ZNF804B: variants seen among roughly 807,000 people sequenced by gnomAD.
The protein encoded by ZNF804B is zinc finger protein 804B.
Under a neutral mutation model 101.4 loss-of-function variants are expected in ZNF804B, and 80 were observed. That is an observed-to-expected ratio of 0.79 (90% CI 0.66 to 0.95). The LOEUF (loss-of-function observed/expected upper bound fraction) is 0.95. Ranked by LOEUF, ZNF804B falls within the 40% of genes least tolerant of loss-of-function variation. The pLI, the probability that ZNF804B is intolerant of heterozygous loss-of-function variation, is 0.00. For synonymous variants in ZNF804B, 622 were observed against 558.8 expected (o/e 1.11, Z -1.59); for missense variants, 1,673 against 1,561.9 (o/e 1.07, Z -1.20).
chr7:89,132,452 G>A (rs1388710997), intron 1 of ZNF804B, among the ~76,000 whole-genome samples: 1 of 151,986 alleles, frequency 6.6e-6, no homozygotes, highest in Non-Finnish European at 1.5e-5. Context: ...AAATGACAAG[G>A]AAACTGGACT....
intron 1 of ZNF804B, among the ~76,000 whole-genome samples, chr7:88,871,272 C>T (rs201918271): frequency 6.6e-6 from 1 of 152,030 alleles, no homozygotes; most frequent in Non-Finnish European, 1.5e-5. Context: ...GCTACTCTAT[C>T]TATTAGGGAA....
chr7:88,904,125 T>G (rs1389492747), intron 1 of ZNF804B, among the ~76,000 whole-genome samples: 2 of 152,194 alleles, frequency 1.3e-5, no homozygotes, highest in Non-Finnish European at 2.9e-5. Context: ...ACTTAATTTT[T>G]GTATGTGGTA....
intron 2 of ZNF804B, among the ~76,000 whole-genome samples, chr7:89,279,358 A>G (rs555153535): frequency 0.11 from 15,494 of 146,748 alleles, 868 homozygotes; most frequent in Middle Eastern, 0.23. Context: ...TCTCCTGCCT[A>G]ATTGCCCTGG....
intron 1 of ZNF804B, among the ~76,000 whole-genome samples, chr7:89,171,288 G>GCTTCTTCTTCTCCTTCTTCTTCTT (rs1791223066): frequency 1.2e-4 from 10 of 82,484 alleles, no homozygotes. Flanking sequence ...TGCTGCTGCT[G>GCTTCTTCTTCTCCTTCTTCTTCTT]CTTCTTCTTC....
At chr7:89,113,678 C>T (rs933276101) in intron 1 of ZNF804B, among the ~76,000 whole-genome samples, 8 of 152,054 alleles carry the variant, frequency 5.3e-5, no homozygotes, top group Non-Finnish European at 7.4e-5. Context: ...ACAGGCCAGG[C>T]GCTGTGGCTC....
intron 1 of ZNF804B, among the ~76,000 whole-genome samples, chr7:88,906,183 C>CT (rs1687958448): frequency 6.6e-6 from 1 of 152,010 alleles, no homozygotes; most frequent in Admixed American, 6.6e-5. Context: ...AGCTCACAGT[C>CT]TATCAACCGT....
intron 2 of ZNF804B, among the ~76,000 whole-genome samples, chr7:89,220,003 G>GTGTGCATACATATATATGCA (rs1554380200): frequency 8.7e-5 from 2 of 22,986 alleles, no homozygotes; most frequent in Non-Finnish European, 1.5e-4. Context: ...ATATGTATAT[G>GTGTGCATACATATATATGCA]CACATATATG....
intron 1 of ZNF804B, among the ~76,000 whole-genome samples, chr7:88,990,085 C>T (rs1488850420): frequency 6.6e-6 from 1 of 151,798 alleles, no homozygotes; most frequent in African/African-American, 2.4e-5. Context: ...AGTTGTCCAT[C>T]TTGTTAGTAA....
chr7:88,880,437 A>T (rs772216256), intron 1 of ZNF804B, among the ~76,000 whole-genome samples: 5 of 152,150 alleles, frequency 3.3e-5, no homozygotes, highest in Non-Finnish European at 7.4e-5. Flanking sequence ...TTTCCCAAAA[A>T]CACCGTGGTT....
chr7:88,885,722 ATTAC>A (rs1344652160), intron 1 of ZNF804B, among the ~76,000 whole-genome samples: 7 of 151,200 alleles, frequency 4.6e-5, no homozygotes, highest in African/African-American at 1.2e-4. Context: ...TTTTCTTAAG[ATTAC>A]TTAAAGAGAA....
chr7:89,223,131 C>T (rs1223238598), intron 2 of ZNF804B, among the ~76,000 whole-genome samples: 2 of 151,762 alleles, frequency 1.3e-5, no homozygotes, highest in Admixed American at 6.6e-5. Flanking sequence ...GGAAATTTGG[C>T]TATTTTTTGG....
chr7:89,176,046 A>G (rs1162391978), intron 1 of ZNF804B, among the ~76,000 whole-genome samples: 1 of 152,008 alleles, frequency 6.6e-6, no homozygotes, highest in African/African-American at 2.4e-5. Flanking sequence ...GAGGCTCTCA[A>G]TTTCTTTCTC....
intron 1 of ZNF804B, among the ~76,000 whole-genome samples, chr7:88,940,682 T>G (rs1408340027): frequency 1.3e-5 from 2 of 151,120 alleles, no homozygotes; most frequent in Non-Finnish European, 2.9e-5. Context: ...GGTGAGAGGA[T>G]TGCTTGAGCT....
At chr7:88,873,126 C>T (rs1180168972) in intron 1 of ZNF804B, among the ~76,000 whole-genome samples, 8 of 152,254 alleles carry the variant, frequency 5.3e-5, no homozygotes, top group African/African-American at 1.7e-4. Context: ...TCCTCTCCAG[C>T]ACCTGTTGTT....
At chr7:88,895,152 G>A (rs1346259839) in intron 1 of ZNF804B, among the ~76,000 whole-genome samples, 4 of 152,160 alleles carry the variant, frequency 2.6e-5, no homozygotes, top group African/African-American at 9.7e-5. Flanking sequence ...ATTGTCAAGA[G>A]TAAAGCCAAA....
chr7:89,192,948 A>G (rs1313718716), intron 1 of ZNF804B, among the ~76,000 whole-genome samples: 3 of 152,134 alleles, frequency 2.0e-5, no homozygotes, highest in Non-Finnish European at 2.9e-5. Flanking sequence ...AAAATTCAAC[A>G]TCCTTTCATG....
At chr7:88,965,881 G>T (rs988979209) in intron 1 of ZNF804B, among the ~76,000 whole-genome samples, 1 of 151,434 alleles carries the variant, frequency 6.6e-6, no homozygotes, top group African/African-American at 2.4e-5. Context: ...TTTAAAAAGT[G>T]CATAATCCTG....
intron 1 of ZNF804B, among the ~76,000 whole-genome samples, chr7:89,155,988 T>C (rs1357049014): frequency 7.9e-6 from 1 of 126,486 alleles, no homozygotes; most frequent in Admixed American, 8.6e-5. Flanking sequence ...CCTTCCTTCC[T>C]TTCCTTCTTT....
intron 1 of ZNF804B, among the ~76,000 whole-genome samples, chr7:89,152,068 A>G (rs907689975): frequency 6.6e-6 from 1 of 152,096 alleles, no homozygotes; most frequent in African/African-American, 2.4e-5. Context: ...ATCAGTGTTA[A>G]ACTACCCTGG....
Sources: allele counts gnomAD v4.1 joint callset (sites outside exome capture counted in the v4.1 genomes callset), GRCh38; gene constraint gnomAD v4.1.1; transcripts MANE v1.5; gene names NCBI Gene and HGNC (gene_info 2026-07-23, HGNC 2026-07-21).